Variants in ETV4 observed in about 807,000 individuals in gnomAD.
The protein encoded by ETV4 is ETS variant transcription factor 4.
A neutral mutation model predicts 65.9 loss-of-function variants in ETV4; 42 were observed. That is an observed-to-expected ratio of 0.64 (90% CI 0.50 to 0.82). The LOEUF (loss-of-function observed/expected upper bound fraction) is 0.82. Among genes scored for constraint, ETV4 ranks in the 40% least tolerant of loss-of-function variants. The pLI is 0.00. For missense variants in ETV4, 583 were observed against 630.3 expected (o/e 0.92, Z 0.80); for synonymous variants, 238 against 260.0 (o/e 0.92, Z 0.81).
intron 5 of ETV4, among the ~76,000 whole-genome samples, chr17:43,536,117 A>C (rs975357273): frequency 3.3e-5 from 5 of 151,608 alleles, no homozygotes; most frequent in African/African-American, 1.2e-4. Context: ...TCTTGGGGGG[A>C]AAACAAACAA....
Position 43,545,274 on chromosome 17 carries a change from C to G in ETV4, c.154G>C (p.Asp52His). The change falls in exon 3 of 13, where the codon GAT becomes CAT. Residue 52 changes from aspartate to histidine, a missense_variant and splice_region_variant. Transcript: ENST00000319349. ...GCGGTTTGTCTCTCTTGCTCTTTAC[C>G]TTCAGAGTCGAGGGGCGGCAGGGAG... ...PGSLPPLDSE[D>H]LFQDLSHFQE... 1 of 1,588,050 alleles carries G rather than the reference C, an allele frequency of 6.3e-7. No individual in the cohort carries two copies.
chr17:43,533,843 C>G lies in ETV4; in HGVS notation c.383+16G>C, dbSNP rs1248095519. On this transcript the variant is annotated intron_variant, in intron 6 of 12. Transcript: ENST00000319349. The stretch of plus-strand genomic sequence containing the variant: ...ACCCTTCTCCTACCCTTCACCAGGT[C>G]CAGGCTGGGGCTCACCTGGAGTAAA... 1 of 1,607,254 alleles carries G rather than the reference C, an allele frequency of 6.2e-7. No homozygotes were observed. Among genetic ancestry groups the G allele is most frequent in the Admixed American group, 1.7e-5 (1 of 59,050 alleles).
intron 8 of ETV4, among the ~76,000 whole-genome samples, chr17:43,530,814 C>G (rs982155368): frequency 6.6e-6 from 1 of 152,050 alleles, no homozygotes; most frequent in Non-Finnish European, 1.5e-5. Context: ...AAGTTCCAAC[C>G]CCTTCCCGCC....
rs762051972 is a variant in ETV4, at chr17:43,536,521, G to T, written c.203-42C>A. 3.8e-6 allele frequency: 6 copies of T among 1,592,700 alleles called. No individual in the cohort carries two copies. In the African/African-American group the frequency reaches 8.0e-5, roughly 21 times the overall value. On this transcript the variant is annotated intron_variant, in intron 4 of 12. Coordinates refer to ENST00000319349, the MANE Select transcript of ETV4 (RefSeq NM_001079675.5). ...GAGGTGAGTTTGGGGCGGAGCCCTG[G>T]TTGTCCCCTGGGAGGCTCCATTATT...
Position 43,533,259 on chromosome 17 carries a change from T to C in ETV4, c.473A>G (p.Glu158Gly). 1 of 1,613,772 alleles carries C rather than the reference T, an allele frequency of 6.2e-7. No individual in the cohort carries two copies. The highest frequency in any genetic ancestry group is 8.5e-7 in the Non-Finnish European group (1 of 1,179,944). ...AGAGGATCTCAGGAAATTCCGTTGCTCTGCCCGGGGAAAGGGCTGTAGGGG... is the reference window on the plus strand; with the variant it reads ...AGAGGATCTCAGGAAATTCCGTTGCCCTGCCCGGGGAAAGGGCTGTAGGGG... ...QSPLQPFPRA[E>G]QRNFLRSSGT... Residue 158 changes from glutamate (E) to glycine (G), a missense_variant, in exon 7 of 13, where the codon GAG becomes GGG. Coordinates refer to ENST00000319349, the MANE Select transcript of ETV4 (RefSeq NM_001079675.5).
chr17:43,530,470 GT>G, intron 8 of ETV4: 1 of 1,321,986 alleles, frequency 7.6e-7, no homozygotes, highest in African/African-American at 1.5e-5. Flanking sequence ...GGGAGCAGCT[GT>G]TTCCTGCGAG....
chr17:43,531,030 A>G (rs2154587065), intron 8 of ETV4, among the ~76,000 whole-genome samples: 1 of 152,282 alleles, frequency 6.6e-6, no homozygotes, highest in South Asian at 2.1e-4. Context: ...GTCAGCGGCA[A>G]GAGTGCCTCC....
chr17:43,536,928 A>G (rs1234145884), intron 4 of ETV4, among the ~76,000 whole-genome samples: 2 of 152,228 alleles, frequency 1.3e-5, no homozygotes, highest in African/African-American at 2.4e-5. Flanking sequence ...TTCTTCTTCT[A>G]GATGCTTTGT....
chr17:43,536,664 C>T (rs1971259357), intron 4 of ETV4, among the ~76,000 whole-genome samples, 185 bp from the exon 5 acceptor site: 1 of 152,272 alleles, frequency 6.6e-6, no homozygotes, highest in South Asian at 2.1e-4. Context: ...CTAACACTAA[C>T]GATAGCTGAT....
intron 4 of ETV4, among the ~76,000 whole-genome samples, chr17:43,541,377 G>A (rs1009386813): frequency 1.3e-5 from 2 of 152,240 alleles, no homozygotes; most frequent in African/African-American, 4.8e-5. Context: ...CCAAGCCAGT[G>A]TGCCAGGGTC....
chr17:43,531,376 C>T (rs921662029), intron 8 of ETV4, among the ~76,000 whole-genome samples: 5 of 152,200 alleles, frequency 3.3e-5, no homozygotes, highest in African/African-American at 1.2e-4. Flanking sequence ...GAGTGCATCT[C>T]ACTCCAGTCA....
intron 4 of ETV4, 103 bp from the exon 5 acceptor site, chr17:43,536,582 C>CA: frequency 2.1e-6 from 2 of 972,502 alleles, no homozygotes; most frequent in East Asian, 2.4e-5. Context: ...AAGAAAGGAC[C>CA]AACAGCCTTT....
chr17:43,544,124 G>A (rs1321088449), intron 4 of ETV4: 1 of 152,242 alleles, frequency 6.6e-6, no homozygotes, highest in Admixed American at 6.5e-5. Flanking sequence ...TTCCCTCTCA[G>A]AGACTGTCTA....
intron 5 of ETV4, among the ~76,000 whole-genome samples, chr17:43,535,354 T>G (rs1002337895): frequency 2.0e-5 from 3 of 152,190 alleles, no homozygotes; most frequent in African/African-American, 7.2e-5. Context: ...CTTGCCTCAC[T>G]GCAACCTCCG....
At chr17:43,529,105 C>T (rs1970743631) in intron 12 of ETV4, 30 bp downstream of exon 12, 2 of 1,607,636 alleles carry the variant, frequency 1.2e-6, no homozygotes, top group African/African-American at 1.3e-5. Flanking sequence ...CTGCCCCCCA[C>T]CACCTTGTCC....
chr17:43,544,513 A>G (rs1057399148), intron 4 of ETV4: 1 of 157,954 alleles, frequency 6.3e-6, no homozygotes, highest in Non-Finnish European at 1.4e-5. Context: ...GGGGGTTGGG[A>G]AGAAGAGAAA....
In ETV4 at chr17:43,528,350, A is replaced by G; in HGVS notation, c.*169T>C. ...TGCCATTTCTCCACTTTTCCTTCCCAATGACTCCGGTGAGCAGCTCAGAGT... is the reference window on the plus strand; with the variant it reads ...TGCCATTTCTCCACTTTTCCTTCCCGATGACTCCGGTGAGCAGCTCAGAGT... On this transcript the variant is annotated 3_prime_UTR_variant, in exon 13 of 13. Coordinates refer to ENST00000319349, the MANE Select transcript of ETV4 (RefSeq NM_001079675.5). 1.9e-6 allele frequency: 1 copy of G among 527,446 alleles called. No homozygotes were observed. Among genetic ancestry groups the G allele is most frequent in the Non-Finnish European group, 3.3e-6 (1 of 299,300 alleles). 32.7% of individuals were successfully genotyped at this position (527,446 alleles called of 1,614,324 possible). A position where few individuals can be genotyped will look rare whatever the true frequency, so the allele number is the denominator to read the frequency against.
intron 4 of ETV4, chr17:43,544,348 A>C (rs186869843): frequency 2.6e-5 from 4 of 152,878 alleles, no homozygotes. Context: ...AGAGGTATTC[A>C]AGCGGGATGG....
intron 8 of ETV4, among the ~76,000 whole-genome samples, chr17:43,531,264 C>T (rs1970921193): frequency 6.6e-6 from 1 of 152,212 alleles, no homozygotes; most frequent in Admixed American, 6.5e-5. Flanking sequence ...GTAACAAAAG[C>T]CAGGAGGAAA....
Sources: allele counts gnomAD v4.1 joint callset (sites outside exome capture counted in the v4.1 genomes callset), GRCh38; gene constraint gnomAD v4.1.1; transcripts MANE v1.5; gene names NCBI Gene and HGNC (gene_info 2026-07-23, HGNC 2026-07-21).